Variants in OTOG observed in about 807,000 individuals in gnomAD.
The protein encoded by OTOG is otogelin.
In OTOG, 296 loss-of-function variants were observed where a neutral mutation model predicts 313.8. The observed-to-expected ratio is 0.94, with a 90% CI of 0.86 to 1.04. The LOEUF (loss-of-function observed/expected upper bound fraction) is 1.04, where lower values mean the gene tolerates loss of function less well. Among genes scored for constraint, OTOG ranks in the 50% least tolerant of loss-of-function variants. The pLI is 0.00. For synonymous variants in OTOG, 1,533 were observed against 1,554.9 expected (o/e 0.99, Z 0.33); for missense variants, 3,948 against 3,840.1 (o/e 1.03, Z -0.74).
chr11:17,569,171 T>C lies in OTOG; in HGVS notation c.1660T>C (p.Cys554Arg). The part of the protein sequence containing the change: ...APCGLNQDGA[C>R]VQSVSVILHQ... ...ATCTCTCCAGAACCAAGATGGAGCC[T>C]GTGTCCAGTCAGTGTCAGTGATTCT... is the stretch of plus-strand genomic sequence containing the variant. Residue 554 changes from cysteine (C) to arginine (R), a missense_variant, in exon 16 of 56, where the codon TGT becomes CGT. Cys to Arg is a radical substitution (Grantham distance 180). Transcript: ENST00000399397. The C allele has an allele frequency of 6.4e-7, 1 of 1,550,650 alleles. No individual in the cohort carries two copies. Among genetic ancestry groups the C allele is most frequent in the Non-Finnish European group, 8.7e-7 (1 of 1,147,016 alleles).
intron 39 of OTOG, among the ~76,000 whole-genome samples, chr11:17,621,312 G>A (rs2134111404): frequency 6.6e-6 from 1 of 152,284 alleles, no homozygotes; most frequent in Non-Finnish European, 1.5e-5. Flanking sequence ...AGCCAAAGTA[G>A]CCTTTATTCT....
At position 17,645,581 on chromosome 11, in the gene OTOG, T is replaced by A. The variant is rs1363009742; in HGVS notation, c.8479T>A (p.Ser2827Thr). Residue 2827 changes from serine to threonine, a missense_variant, in exon 55 of 56, where the codon TCC becomes ACC. By Grantham distance (58) the Ser-to-Thr change is moderately conservative (BLOSUM62 1). Coordinates refer to ENST00000399397, the MANE Select transcript of OTOG (RefSeq NM_001292063.2). ...CCCCCCAGGTAAGGAGGATGGGCGCTCCTGCAAGAAGGTGACCATCCGCAT... is the reference window on the plus strand; with the variant it reads ...CCCCCCAGGTAAGGAGGATGGGCGCACCTGCAAGAAGGTGACCATCCGCAT... ...CCRTCKEDGRSCKKVTIRMTI... is the reference protein window; with the variant it reads ...CCRTCKEDGRTCKKVTIRMTI... 3 of 1,550,570 alleles carry A rather than the reference T, an allele frequency of 1.9e-6. No homozygotes were observed. Among genetic ancestry groups the A allele is most frequent in the Non-Finnish European group, 2.6e-6 (3 of 1,146,986 alleles).
intron 33 of OTOG, 66 bp downstream of exon 33, chr11:17,606,201 G>T: frequency 6.9e-7 from 1 of 1,455,632 alleles, no homozygotes; most frequent in Non-Finnish European, 9.1e-7. Context: ...TTCCCACCCT[G>T]TCCCCACTTC....
intron 19 of OTOG, among the ~76,000 whole-genome samples, 190 bp from the exon 20 acceptor site, chr11:17,574,530 T>C (rs1053177760): frequency 2.0e-5 from 3 of 152,176 alleles, no homozygotes; most frequent in African/African-American, 7.2e-5. Flanking sequence ...TCCAGTGTAT[T>C]GGTAGGCAGT....
Position 17,606,051 on chromosome 11 carries a change from C to T in OTOG, c.4072C>T (p.Leu1358Phe), listed in dbSNP as rs1407355539. 2 of 1,550,414 alleles carry T rather than the reference C, an allele frequency of 1.3e-6. No homozygotes were observed. Among genetic ancestry groups the T allele is most frequent in the Non-Finnish European group, 8.7e-7 (1 of 1,146,996 alleles). The change falls in exon 33 of 56, where the codon CTC becomes TTC. Residue 1358 changes from leucine (L) to phenylalanine (F), a missense_variant. Physicochemically the swap from Leu to Phe is conservative, Grantham distance 22. Coordinates refer to ENST00000399397, the MANE Select transcript of OTOG (RefSeq NM_001292063.2). ...GTCCCTGGCCAAGCCCAGCTCCTTC[C>T]TCTATGTGTCGGGCGCGGTGCTGGC... is the stretch of plus-strand genomic sequence containing the variant. ...LESLAKPSSF[L>F]YVSGAVLALR...
At position 17,572,968 on chromosome 11, in the gene OTOG, C is replaced by T. The variant is rs767063999; in HGVS notation, c.2081-110C>T. On this transcript the variant is annotated intron_variant, in intron 18 of 55. Transcript: ENST00000399397. ...GAAGTAGCTGCCTACATCCGTACAGCGTGTGCACACACACACACCCCTGAG... is the reference window on the plus strand; with the variant it reads ...GAAGTAGCTGCCTACATCCGTACAGTGTGTGCACACACACACACCCCTGAG... The T allele has an allele frequency of 1.5e-4, 148 of 1,018,822 alleles. 1 individual carries two copies. Among genetic ancestry groups the T allele is most frequent in the African/African-American group, 2.2e-4 (14 of 62,294 alleles). 63.1% of individuals were successfully genotyped at this position (1,018,822 alleles called of 1,614,324 possible).
chr11:17,623,047 G>A (rs950943241), intron 39 of OTOG, among the ~76,000 whole-genome samples: 1 of 152,158 alleles, frequency 6.6e-6, no homozygotes, highest in East Asian at 1.9e-4. Flanking sequence ...TAAGTGGAGC[G>A]AGATGATTTC....
chr11:17,606,184 A>T lies in OTOG; in HGVS notation c.4156+49A>T, dbSNP rs375166637. The T allele has an allele frequency of 8.0e-5, 118 of 1,482,880 alleles. No individual in the cohort carries two copies. The East Asian group carries it at 2.0e-3, about 25-fold the overall frequency. 91.9% of individuals were successfully genotyped at this position (1,482,880 alleles called of 1,614,324 possible). Reference sequence around the variant, plus strand: ...CTCGGCCCTTTGGCCCTCTCAGTCCACTGCTCTTCCCACCCTGTCCCCACT... The same window carrying T: ...CTCGGCCCTTTGGCCCTCTCAGTCCTCTGCTCTTCCCACCCTGTCCCCACT... On this transcript the variant is annotated intron_variant, in intron 33 of 55. Coordinates refer to ENST00000399397, the MANE Select transcript of OTOG (RefSeq NM_001292063.2).
intron 45 of OTOG, 42 bp from the exon 46 acceptor site, chr11:17,635,038 G>A: frequency 1.3e-6 from 2 of 1,537,082 alleles, no homozygotes; most frequent in South Asian, 2.4e-5. Context: ...GGGTGGCCAG[G>A]CAGGTTCCTC....
At chr11:17,578,831 T>C (rs1195549232) in intron 23 of OTOG, among the ~76,000 whole-genome samples, 3 of 152,160 alleles carry the variant, frequency 2.0e-5, no homozygotes, top group African/African-American at 7.2e-5. Context: ...GTGGAAGCAC[T>C]GAGTGGGGTG....
chr11:17,577,399 G>C (rs532144702), intron 22 of OTOG, among the ~76,000 whole-genome samples: 3 of 152,198 alleles, frequency 2.0e-5, no homozygotes, highest in East Asian at 3.9e-4. Flanking sequence ...GTCAACCTTT[G>C]AGAGGCTGTG....
At position 17,635,173 on chromosome 11, in the gene OTOG, C is replaced by T. The variant is rs530321632; in HGVS notation, c.7679C>T (p.Thr2560Ile). Residue 2560 changes from threonine to isoleucine, a missense_variant, in exon 46 of 56, where the codon ACC becomes ATC. Thr to Ile is a moderately conservative substitution (Grantham distance 89). Transcript: ENST00000399397. Reference protein sequence around the residue: ...ITGRLGDSCCTSYFCACGDCP... With the variant: ...ITGRLGDSCCISYFCACGDCP... ...GGCCGCCTGGGGGACTCCTGCTGCA[C>T]CTCCTACTTCTGCGGTGGGTCGCCG... The T allele has an allele frequency of 2.6e-6, 4 of 1,545,698 alleles. No individual in the cohort carries two copies. The South Asian group carries it at 4.8e-5, about 18-fold the overall frequency.
intron 31 of OTOG, 151 bp from the exon 32 acceptor site, chr11:17,602,059 A>T: frequency 1.1e-6 from 1 of 873,648 alleles, no homozygotes; most frequent in Non-Finnish European, 1.7e-6. Flanking sequence ...AGGGTCATCA[A>T]GGTCCCTGAG....
rs1361498977 is a variant in OTOG, at chr11:17,632,289, G to T, written c.7072+63G>T. 5 of 1,486,104 alleles carry T rather than the reference G, an allele frequency of 3.4e-6. No individual in the cohort carries two copies. The Admixed American group carries it at 1.1e-4, about 32-fold the overall frequency. The allele number at this position is 1,486,104 out of a possible 1,614,324, so 92.1% of individuals were successfully genotyped here. A position where few individuals can be genotyped will look rare whatever the true frequency, so the allele number is the denominator to read the frequency against. ...ATTGTTCCCATCCCCTGTTAAAGTG[G>T]GAAAAGGCTCCCGGCCCCAAGTTCA... On this transcript the variant is annotated intron_variant, in intron 42 of 55. Coordinates refer to ENST00000399397, the MANE Select transcript of OTOG (RefSeq NM_001292063.2).
At chr11:17,643,427 C>T (rs1025726488) in intron 53 of OTOG, 34 bp from the exon 54 acceptor site, 15 of 1,404,990 alleles carry the variant, frequency 1.1e-5, no homozygotes, top group African/African-American at 1.5e-5. Context: ...GGGGTCTCCA[C>T]ACCTACCTAC....
Position 17,610,395 on chromosome 11 carries a change from G to A in OTOG, c.5095G>A (p.Val1699Met), listed in dbSNP as rs1036690372. Residue 1699 changes from valine (V) to methionine (M), a missense_variant, in exon 36 of 56, where the codon GTG becomes ATG. Physicochemically the swap from Val to Met is conservative, Grantham distance 21. Coordinates refer to ENST00000399397, the MANE Select transcript of OTOG (RefSeq NM_001292063.2). ...SASSPSTPLT[V>M]AGTAAEQVPV... ...TTCAAGTCCCAGCACCCCTCTAACT[G>A]TGGCTGGAACAGCAGCAGAACAGGT... The A allele has an allele frequency of 5.2e-6, 8 of 1,550,358 alleles. No individual in the cohort carries two copies. The highest frequency in any genetic ancestry group is 7.0e-6 in the Non-Finnish European group (8 of 1,146,938).
Position 17,569,300 on chromosome 11 carries a change from G to A in OTOG, c.1777+12G>A. ...GCCATACACAGATGGTACGGTTTGG[G>A]GTGGACAACAGACCTAGTTGGGAAC... is the stretch of plus-strand genomic sequence containing the variant. On this transcript the variant is annotated intron_variant, in intron 16 of 55. Transcript: ENST00000399397. The A allele has an allele frequency of 1.9e-6, 3 of 1,550,400 alleles. No individual in the cohort carries two copies. Among genetic ancestry groups the A allele is most frequent in the South Asian group, 1.2e-5 (1 of 84,040 alleles).
chr11:17,563,783 C>T (rs1183129426), intron 15 of OTOG, among the ~76,000 whole-genome samples: 8 of 151,662 alleles, frequency 5.3e-5, no homozygotes, highest in African/African-American at 1.7e-4. Flanking sequence ...CAGGCTCAGT[C>T]GCTCTTCCCA....
chr11:17,633,915 A>G (rs2133707416), intron 43 of OTOG, 41 bp downstream of exon 43: 1 of 1,495,678 alleles, frequency 6.7e-7, no homozygotes, highest in African/African-American at 1.4e-5. Context: ...CTCCAAAGCC[A>G]GCCTCAGCCT....
Sources: allele counts gnomAD v4.1 joint callset (sites outside exome capture counted in the v4.1 genomes callset), GRCh38; gene constraint gnomAD v4.1.1; transcripts MANE v1.5; gene names NCBI Gene and HGNC (gene_info 2026-07-23, HGNC 2026-07-21).